PCDH11X: variants seen among roughly 807,000 people sequenced by gnomAD.
PCDH11X encodes protocadherin 11 X-linked, also known as protocadherin-11 X-linked.
In PCDH11X, 18 loss-of-function variants were observed where a neutral mutation model predicts 53.3. The ratio of observed to expected loss-of-function variants is 0.34; its 90% CI spans 0.23 to 0.50. PCDH11X has a LOEUF of 0.50. PCDH11X is among the 20% of genes least tolerant of loss of function. The pLI is 0.98. For missense variants in PCDH11X, 570 were observed against 1,032.4 expected, an observed-to-expected ratio of 0.55 and a Z score of 6.14; for synonymous variants, 279 against 393.3, an observed-to-expected ratio of 0.71 and a Z score of 3.44.
intron 6 of PCDH11X, among the ~76,000 whole-genome samples, chrX:91,970,082 A>G (rs950710888): frequency 9.0e-6 from 1 of 111,326 alleles, no homozygotes; most frequent in Non-Finnish European, 1.9e-5. Context: ...CAGCGTATCC[A>G]GAGTTGTTCG....
At chrX:91,950,607 T>TAC (rs1555970215) in intron 6 of PCDH11X, among the ~76,000 whole-genome samples, 16 of 97,735 alleles carry the variant, frequency 1.6e-4, no homozygotes, top group South Asian at 5.0e-4. Context: ...TATATATATA[T>TAC]ACACACACAC....
At chrX:92,484,066 T>A (rs1438020928) in intron 10 of PCDH11X, among the ~76,000 whole-genome samples, 1 of 101,097 alleles carries the variant, frequency 9.9e-6, no homozygotes, top group Non-Finnish European at 2.0e-5. Context: ...CACCAAACAA[T>A]GAGTGAATAA....
At chrX:91,782,534 C>G (rs1474202132) in intron 1 of PCDH11X, among the ~76,000 whole-genome samples, 1 of 110,043 alleles carries the variant, frequency 9.1e-6, no homozygotes, top group Non-Finnish European at 1.9e-5. Flanking sequence ...CTTCGCCTGT[C>G]ACAGAGCAAG....
intron 9 of PCDH11X, chrX:92,460,723 G>A: frequency 9.4e-7 from 1 of 1,063,663 alleles, no homozygotes; most frequent in Non-Finnish European, 1.3e-6. Context: ...CCCGGGCAGA[G>A]AGACAGTGCC....
At chrX:92,611,315 T>A (rs992513946) in intron 10 of PCDH11X, among the ~76,000 whole-genome samples, 3 of 110,510 alleles carry the variant, frequency 2.7e-5, no homozygotes, top group Non-Finnish European at 3.8e-5. Context: ...ACAAACCTCT[T>A]GCTGCCTTGG....
chrX:92,032,843 GA>G (rs1033509161), intron 6 of PCDH11X, among the ~76,000 whole-genome samples: 5 of 98,789 alleles, frequency 5.1e-5, no homozygotes, highest in Non-Finnish European at 9.7e-5. Flanking sequence ...ACTTGACCAT[GA>G]TAAATGATTT....
At chrX:92,002,117 A>G (rs2062521041) in intron 6 of PCDH11X, among the ~76,000 whole-genome samples, 1 of 107,048 alleles carries the variant, frequency 9.3e-6, no homozygotes. Context: ...TCTTCTGAAT[A>G]TAGGGATCCA....
chrX:91,881,485 AGTT>A (rs1939906099), intron 6 of PCDH11X, among the ~76,000 whole-genome samples: 1 of 111,599 alleles, frequency 9.0e-6, no homozygotes, highest in African/African-American at 3.2e-5. Flanking sequence ...ATTGGTTCAC[AGTT>A]GTTTCATATT....
At chrX:91,869,224 C>G (rs1447336208) in intron 5 of PCDH11X, among the ~76,000 whole-genome samples, 1 of 109,945 alleles carries the variant, frequency 9.1e-6, no homozygotes, top group Non-Finnish European at 1.9e-5. Flanking sequence ...GATCAGAAAA[C>G]ACAATAGTTT....
intron 6 of PCDH11X, among the ~76,000 whole-genome samples, chrX:91,953,095 T>G (rs10047000): frequency 0.04 from 4,427 of 109,498 alleles, 214 homozygotes; most frequent in African/African-American, 0.14. Context: ...TTAATGGGTA[T>G]GAAAAAATGG....
Position 91,806,763 on chromosome X carries a change from G to A in PCDH11X, c.-378-2703G>A, listed in dbSNP as rs184609742. ...TCAGAAACTTTCTTACCATTGACAG[G>A]GGCTAGTGTCGATATTCCTTGTGGT... On this transcript the variant is annotated intron_variant, in intron 1 of 10. Coordinates refer to ENST00000682573, the MANE Select transcript of PCDH11X (RefSeq NM_032968.5). Among the ~76,000 whole-genome samples the A allele has an allele frequency of 3.7e-3, 412 of 111,749 alleles. 3 individuals are homozygous for A. Among genetic ancestry groups the A allele is most frequent in the African/African-American group, 0.013 (402 of 30,834 alleles).
At chrX:92,292,565 T>A (rs988196303) in intron 8 of PCDH11X, among the ~76,000 whole-genome samples, 2 of 110,984 alleles carry the variant, frequency 1.8e-5, no homozygotes, top group East Asian at 5.7e-4. Flanking sequence ...TGTCATTTAC[T>A]GAAGCCACAA....
chrX:92,274,767 T>C (rs2068044509), intron 8 of PCDH11X, among the ~76,000 whole-genome samples: 1 of 110,869 alleles, frequency 9.0e-6, no homozygotes, highest in African/African-American at 3.3e-5. Flanking sequence ...GCTTGTACTA[T>C]AGCATAGCCT....
At chrX:92,257,083 A>AGGAAACCT (rs1299733800) in intron 7 of PCDH11X, among the ~76,000 whole-genome samples, 1 of 111,746 alleles carries the variant, frequency 8.9e-6, no homozygotes, top group Non-Finnish European at 1.9e-5. Flanking sequence ...GGGAGGCCTT[A>AGGAAACCT]GGAAACCTGC....
intron 8 of PCDH11X, among the ~76,000 whole-genome samples, chrX:92,306,785 C>G (rs2068840795): frequency 9.1e-6 from 1 of 110,395 alleles, no homozygotes; most frequent in South Asian, 3.8e-4. Flanking sequence ...ACTAAAAATA[C>G]ACACACACAC....
At chrX:92,406,968 G>C (rs2071535878) in intron 9 of PCDH11X, among the ~76,000 whole-genome samples, 1 of 96,050 alleles carries the variant, frequency 1.0e-5, no homozygotes, top group African/African-American at 3.8e-5. Context: ...TGAACTCTCA[G>C]AGTTGTGAAT....
At chrX:92,218,815 G>A (rs367784928) in intron 7 of PCDH11X, among the ~76,000 whole-genome samples, 8 of 111,167 alleles carry the variant, frequency 7.2e-5, no homozygotes, top group East Asian at 2.8e-4. Flanking sequence ...CTGGCAAACC[G>A]AATCCAGCAG....
At chrX:91,825,631 G>A (rs1198062370) in intron 4 of PCDH11X, among the ~76,000 whole-genome samples, 1 of 110,130 alleles carries the variant, frequency 9.1e-6, no homozygotes, top group Non-Finnish European at 1.9e-5. Flanking sequence ...GAAATCACCT[G>A]TCTTCTGCGT....
chrX:92,403,339 G>T (rs58437140), intron 9 of PCDH11X, among the ~76,000 whole-genome samples: 6,110 of 48,943 alleles, frequency 0.12, 881 homozygotes, highest in East Asian at 0.67. Context: ...GTTTTTTTTT[G>T]TTTTTTTTTT....
Sources: gnomAD v4.1 joint callset for allele counts (sites outside exome capture counted in the v4.1 genomes callset) on GRCh38, gnomAD v4.1.1 for gene constraint, MANE v1.5 for transcripts, NCBI Gene and HGNC (gene_info 2026-07-23, HGNC 2026-07-21) for gene names.